Variants in MYL10 observed in about 807,000 individuals in gnomAD.
The protein encoded by MYL10 is myosin light chain 10, also known as myosin regulatory light chain 10.
MYL10 carries 18 observed loss-of-function variants against 21.9 expected under a neutral mutation model. The ratio of observed to expected loss-of-function variants is 0.82; its 90% CI spans 0.57 to 1.22. MYL10 has a LOEUF of 1.22. Among genes scored for constraint, MYL10 ranks in the 50% most tolerant of loss-of-function variants. MYL10 has a pLI of 0.00. For missense variants in MYL10, 225 were observed against 230.4 expected, an observed-to-expected ratio of 0.98 and a Z score of 0.15; for synonymous variants, 88 against 82.8, an observed-to-expected ratio of 1.06 and a Z score of -0.34.
intron 5 of MYL10, among the ~76,000 whole-genome samples, chr7:101,617,519 C>G (rs1351759048): frequency 6.6e-6 from 1 of 152,246 alleles, no homozygotes; most frequent in Non-Finnish European, 1.5e-5. Context: ...TTTTGTCACC[C>G]TGTGCTCTTG....
In MYL10 at chr7:101,624,174, C is replaced by G; in HGVS notation, c.169G>C (p.Glu57Gln). The change falls in exon 2 of 8, where the codon GAG (glutamate) becomes CAG (glutamine). Residue 57 changes from glutamate (E) to glutamine (Q), a missense_variant and splice_region_variant. Physicochemically the swap from Glu to Gln is conservative, Grantham distance 29 (BLOSUM62 2). Coordinates refer to ENST00000223167, the MANE Select transcript of MYL10 (RefSeq NM_138403.5). Reference protein sequence around the residue: ...FDQSQIQEFKESLALSPRLER... With the variant: ...FDQSQIQEFKQSLALSPRLER... ...GCCCCATGGGGCAGCAGACCAACCT[C>G]TTTAAACTCCTGGATCTGGGACTGA... 1.2e-6 allele frequency: 2 copies of G among 1,609,088 alleles called. No homozygotes were observed. Among genetic ancestry groups the G allele is most frequent in the Non-Finnish European group, 1.7e-6 (2 of 1,176,382 alleles).
chr7:101,627,137 C>CAA (rs757508495), intron 1 of MYL10, among the ~76,000 whole-genome samples: 155 of 134,000 alleles, frequency 1.2e-3, no homozygotes, highest in East Asian at 8.5e-3. Flanking sequence ...ACCAAAAATA[C>CAA]AAAAAAAAAA....
At position 101,629,271 on chromosome 7, in the gene MYL10, G is replaced by C; in HGVS notation, c.-153C>G. The C allele has an allele frequency of 3.9e-6, 1 of 256,002 alleles. No homozygotes were observed. The highest frequency in any genetic ancestry group is 7.7e-6 in the Non-Finnish European group (1 of 129,938). The allele number at this position is 256,002 out of a possible 1,614,324, so 15.9% of individuals were successfully genotyped here. ...TGCCCAGCTGCTCAAACCTCTAGGC[G>C]GACCATGCAGACAGGCAGGCTATGG... On this transcript the variant is annotated 5_prime_UTR_variant, in exon 1 of 8. Transcript: ENST00000223167.
intron 5 of MYL10, among the ~76,000 whole-genome samples, chr7:101,621,344 C>T (rs1003616993): frequency 1.2e-4 from 19 of 152,090 alleles, no homozygotes; most frequent in African/African-American, 4.3e-4. Context: ...GTGAATGAGG[C>T]TCCCCGATCC....
At chr7:101,618,873 C>T (rs1413232188) in intron 5 of MYL10, among the ~76,000 whole-genome samples, 2 of 152,212 alleles carry the variant, frequency 1.3e-5, no homozygotes, top group Non-Finnish European at 2.9e-5. Context: ...AACCATGGAC[C>T]GACACGAGCT....
chr7:101,620,339 A>G (rs1796662772), intron 5 of MYL10, among the ~76,000 whole-genome samples: 1 of 152,098 alleles, frequency 6.6e-6, no homozygotes, highest in Non-Finnish European at 1.5e-5. Context: ...ACAAAACAAA[A>G]TAAACAAAGA....
chr7:101,616,112 C>T, intron 6 of MYL10, 108 bp downstream of exon 6: 3 of 876,042 alleles, frequency 3.4e-6, no homozygotes, highest in South Asian at 1.5e-5. Context: ...GCAGCGGCCC[C>T]CCAGCTCCTG....
At chr7:101,617,088 G>A (rs550338601) in intron 5 of MYL10, among the ~76,000 whole-genome samples, 1 of 152,370 alleles carries the variant, frequency 6.6e-6, no homozygotes, top group East Asian at 1.9e-4. Context: ...ATGACAGCAG[G>A]TGACCTGGCC....
intron 6 of MYL10, among the ~76,000 whole-genome samples, chr7:101,614,491 A>G (rs888892307): frequency 8.5e-5 from 13 of 152,214 alleles, no homozygotes; most frequent in African/African-American, 2.9e-4. Flanking sequence ...CCATGTCCCA[A>G]GGCAGTGCCT....
intron 1 of MYL10, among the ~76,000 whole-genome samples, chr7:101,626,740 C>T (rs564077272): frequency 1.3e-5 from 2 of 152,340 alleles, no homozygotes; most frequent in African/African-American, 4.8e-5. Flanking sequence ...CTGCCCACCT[C>T]GTCTCTCTCC....
chr7:101,622,988 C>T lies in MYL10; in HGVS notation c.349+9G>A. 1.2e-6 allele frequency: 2 copies of T among 1,613,328 alleles called. No individual in the cohort carries two copies. Among genetic ancestry groups the T allele is most frequent in the Non-Finnish European group, 1.7e-6 (2 of 1,179,624 alleles). ...GGCCCTAATCTCCCCCGGCTGCTGGCTCACCCACCCAGCGCGGCAAAGGTG... is the reference window on the plus strand; with the variant it reads ...GGCCCTAATCTCCCCCGGCTGCTGGTTCACCCACCCAGCGCGGCAAAGGTG... On this transcript the variant is annotated intron_variant, in intron 4 of 7. Coordinates refer to ENST00000223167, the MANE Select transcript of MYL10 (RefSeq NM_138403.5).
chr7:101,618,077 C>A (rs1796629801), intron 5 of MYL10, among the ~76,000 whole-genome samples: 1 of 152,268 alleles, frequency 6.6e-6, no homozygotes, highest in African/African-American at 2.4e-5. Flanking sequence ...CAGGACTGGG[C>A]AGTGTCTGAG....
At chr7:101,621,203 C>A (rs1796673368) in intron 5 of MYL10, among the ~76,000 whole-genome samples, 1 of 152,122 alleles carries the variant, frequency 6.6e-6, no homozygotes, top group African/African-American at 2.4e-5. Context: ...CCACCCCATG[C>A]CTAATGCTGT....
intron 6 of MYL10, among the ~76,000 whole-genome samples, chr7:101,614,172 G>T (rs780409672): frequency 7.6e-4 from 116 of 152,220 alleles, no homozygotes; most frequent in Non-Finnish European, 4.3e-4. Context: ...GCCCAGGTCC[G>T]TGTCCTCCTG....
At position 101,627,334 on chromosome 7, in the gene MYL10, A is replaced by AGGGGCG. The variant is rs1444781194; in HGVS notation, c.78+1706_78+1707insCGCCCC. 2.7e-3 allele frequency: 52 copies of AGGGGCG among 18,970 alleles called. No homozygotes were observed. The East Asian group carries it at 0.062, about 23-fold the overall frequency. 1.2% of individuals were successfully genotyped at this position (18,970 alleles called of 1,614,324 possible). A position where few individuals can be genotyped will look rare whatever the true frequency, so the allele number is the denominator to read the frequency against. The stretch of plus-strand genomic sequence containing the variant: ...GGAATTGCGGAGTGAGGTCAGGGGC[A>AGGGGCG]GGGGCAGGGGCAGGGGCAGGGGTGG... On this transcript the variant is annotated intron_variant, in intron 1 of 7. Coordinates refer to ENST00000223167, the MANE Select transcript of MYL10 (RefSeq NM_138403.5).
chr7:101,615,460 C>T (rs899888958), intron 6 of MYL10, among the ~76,000 whole-genome samples: 1 of 151,018 alleles, frequency 6.6e-6, no homozygotes, highest in African/African-American at 2.4e-5. Context: ...CCCAGAGGCC[C>T]CGCCTGCCGC....
Position 101,613,469 on chromosome 7 carries a change from G to A in MYL10, c.*6C>T. 1 of 1,611,746 alleles carries A rather than the reference G, an allele frequency of 6.2e-7. No homozygotes were observed. ...GCCCCTGAATGTCGGGGAGACTTGT[G>A]ATCCCCTAATCCTTCTCTTCACCGT... On this transcript the variant is annotated 3_prime_UTR_variant, in exon 8 of 8. Transcript: ENST00000223167.
intron 1 of MYL10, among the ~76,000 whole-genome samples, chr7:101,626,251 G>T (rs528730165): frequency 6.6e-6 from 1 of 152,284 alleles, no homozygotes; most frequent in Non-Finnish European, 1.5e-5. Context: ...AAAGCATCAG[G>T]ACATGTATTA....
At chr7:101,616,805 G>A (rs1014905932) in intron 5 of MYL10, among the ~76,000 whole-genome samples, 1 of 152,236 alleles carries the variant, frequency 6.6e-6, no homozygotes, top group African/African-American at 2.4e-5. Context: ...CTTGGGCAGT[G>A]TGGCATTGGA....
Sources: gnomAD v4.1 joint callset for allele counts (sites outside exome capture counted in the v4.1 genomes callset) on GRCh38, gnomAD v4.1.1 for gene constraint, MANE v1.5 for transcripts, NCBI Gene and HGNC (gene_info 2026-07-23, HGNC 2026-07-21) for gene names.